Variants in PRSS23 observed in about 807,000 individuals in gnomAD.
PRSS23 encodes the protein protease, serine 23.
A neutral mutation model predicts 34.7 loss-of-function variants in PRSS23; 25 were observed. That is an observed-to-expected ratio of 0.72 (90% CI 0.53 to 1.01). The LOEUF is 1.01. Among genes scored for constraint, PRSS23 ranks in the 50% least tolerant of loss-of-function variants. PRSS23 has a pLI of 0.00. For missense variants in PRSS23, 445 were observed against 475.6 expected (o/e 0.94, Z 0.60); for synonymous variants, 176 against 186.6 (o/e 0.94, Z 0.46).
chr11:86,844,433 A>G lies in PRSS23; in HGVS notation c.206+20840A>G, dbSNP rs1019495430. On this transcript the variant is annotated intron_variant, in intron 2 of 2. Coordinates refer to the PRSS23 transcript ENST00000533902. ...TAATAAAAAAAAAATGGACATAACCATAGGCCATCACTTACTACACCAATG... is the reference window on the plus strand; with the variant it reads ...TAATAAAAAAAAAATGGACATAACCGTAGGCCATCACTTACTACACCAATG... Among the ~76,000 whole-genome samples the G allele has an allele frequency of 2.0e-5, 3 of 152,122 alleles. No individual in the cohort carries two copies. The East Asian group carries it at 5.8e-4, about 29-fold the overall frequency.
At chr11:86,872,632 A>T (rs1285560408) in intron 2 of PRSS23, among the ~76,000 whole-genome samples, 1 of 152,212 alleles carries the variant, frequency 6.6e-6, no homozygotes, top group East Asian at 1.9e-4. Context: ...AAATAGACTT[A>T]ATTTTTCATA....
At chr11:86,802,820 T>G (rs866779802) in intron 1 of PRSS23, among the ~76,000 whole-genome samples, 1 of 152,202 alleles carries the variant, frequency 6.6e-6, no homozygotes. Flanking sequence ...CAGTAGTCAC[T>G]GCATCCAGTC....
intron 2 of PRSS23, chr11:86,950,420 A>G (rs1222560126): frequency 6.5e-6 from 1 of 152,704 alleles, no homozygotes; most frequent in Non-Finnish European, 1.5e-5. Context: ...AATGAAGAAA[A>G]CAGCAGCAGC....
Position 86,854,942 on chromosome 11 carries a change from G to A in PRSS23, c.206+31349G>A, listed in dbSNP as rs569321126. 1.9e-4 allele frequency among the ~76,000 whole-genome samples: 29 copies of A among 152,238 alleles called. No homozygotes were observed. The South Asian group carries it at 5.8e-3, about 31-fold the overall frequency. On this transcript the variant is annotated intron_variant, in intron 2 of 2. Coordinates refer to the PRSS23 transcript ENST00000533902. ...AGCACTTTGAGAGGCCGAGGTGGGC[G>A]GTCACCTGAGGTCGGAAGTTCAAGT...
intron 2 of PRSS23, among the ~76,000 whole-genome samples, chr11:86,862,645 T>A (rs1459267726): frequency 6.6e-6 from 1 of 151,576 alleles, no homozygotes; most frequent in Non-Finnish European, 1.5e-5. Flanking sequence ...GGATGTTACT[T>A]GTAATGACAC....
chr11:86,907,217 T>G (rs181837766), intron 2 of PRSS23, among the ~76,000 whole-genome samples: 34 of 152,312 alleles, frequency 2.2e-4, no homozygotes, highest in African/African-American at 7.2e-4. Context: ...GTTATATAGA[T>G]TGACTGATGG....
chr11:86,879,851 G>A (rs112698343), intron 2 of PRSS23, among the ~76,000 whole-genome samples: 18 of 134,572 alleles, frequency 1.3e-4, no homozygotes, highest in East Asian at 4.9e-4. Flanking sequence ...CCGGCCAGCC[G>A]CCCCGTCCGG....
At chr11:86,868,253 T>C (rs997625768) in intron 2 of PRSS23, among the ~76,000 whole-genome samples, 2 of 152,276 alleles carry the variant, frequency 1.3e-5, no homozygotes, top group African/African-American at 4.8e-5. Flanking sequence ...CTGACCATTC[T>C]CTAGTCAACA....
At chr11:86,947,329 A>T (rs891878206) in intron 2 of PRSS23, 4 of 153,864 alleles carry the variant, frequency 2.6e-5, no homozygotes, top group African/African-American at 9.7e-5. Context: ...TACTGCACCG[A>T]CCTGGTGAAA....
chr11:86,888,876 G>A (rs186299536), intron 2 of PRSS23, among the ~76,000 whole-genome samples: 7 of 152,340 alleles, frequency 4.6e-5, no homozygotes, highest in African/African-American at 1.4e-4. Flanking sequence ...GGTTCCTAGC[G>A]CTGCCTAGCA....
At chr11:86,928,185 A>T (rs1949094702) in intron 2 of PRSS23, among the ~76,000 whole-genome samples, 1 of 147,748 alleles carries the variant, frequency 6.8e-6, no homozygotes, top group South Asian at 2.1e-4. Context: ...ATATATATTA[A>T]GCATATGTAT....
rs184083304 is a variant in PRSS23, at chr11:86,881,009, C to T, written c.206+57416C>T. 9.9e-5 allele frequency among the ~76,000 whole-genome samples: 15 copies of T among 152,256 alleles called. No individual in the cohort carries two copies. In the East Asian group the frequency reaches 2.9e-3, roughly 29 times the overall value. The stretch of plus-strand genomic sequence containing the variant: ...TTAACAGAGACAGTTTTGCTTCTTC[C>T]TTTCCAATCTCGATTATTTGATTGC... On this transcript the variant is annotated intron_variant, in intron 2 of 2. Transcript: ENST00000533902.
intron 2 of PRSS23, among the ~76,000 whole-genome samples, chr11:86,930,880 G>A (rs1479984473): frequency 2.0e-5 from 3 of 151,972 alleles, no homozygotes; most frequent in Admixed American, 1.3e-4. Context: ...TCAAGGAGTA[G>A]AAACATACCC....
rs755156221 is a variant in PRSS23, at chr11:86,862,172, G to A, written c.206+38579G>A. Among the ~76,000 whole-genome samples the A allele has an allele frequency of 6.7e-4, 101 of 151,850 alleles. 1 individual carries two copies. The highest frequency in any genetic ancestry group is 2.6e-3 in the Admixed American group (40 of 15,250). ...GTTATTCCTCGCAATATCTCAGTGC[G>A]TATACTCACTGGAATATTAGAAGTA... On this transcript the variant is annotated intron_variant, in intron 2 of 2. Coordinates refer to the PRSS23 transcript ENST00000533902.
chr11:86,818,687 T>C (rs961962243), intron 1 of PRSS23, among the ~76,000 whole-genome samples: 2 of 152,192 alleles, frequency 1.3e-5, no homozygotes, highest in African/African-American at 2.4e-5. Context: ...ATTTAACTTA[T>C]GACTATTTCC....
chr11:86,937,978 G>C (rs190180848), intron 2 of PRSS23, among the ~76,000 whole-genome samples: 12 of 152,280 alleles, frequency 7.9e-5, no homozygotes, highest in African/African-American at 2.9e-4. Context: ...TGGTGTGAAA[G>C]CTGAGGTCAT....
chr11:86,843,028 A>G (rs1948460107), intron 2 of PRSS23, among the ~76,000 whole-genome samples: 4 of 152,224 alleles, frequency 2.6e-5, no homozygotes. Context: ...CTATACTACA[A>G]GGCTATAGTA....
At chr11:86,800,411 GGGCACGGTTTATGTGCAGTGGGGCGGGC>G (rs1029108827), upstream of PRSS23, 26 of 973,784 alleles carry the variant, frequency 2.7e-5, 1 homozygote, top group African/African-American at 3.5e-4. Context: ...GAGGGGAGGG[GGGCACGGTTTATGTGCAGTGGGGCGGGC>G]GGCGTCCGCG....
At chr11:86,860,055 C>T (rs1036427650) in intron 2 of PRSS23, among the ~76,000 whole-genome samples, 1 of 151,920 alleles carries the variant, frequency 6.6e-6, no homozygotes, top group East Asian at 1.9e-4. Context: ...CTTTCAATAT[C>T]GCATTTTGTA....
Sources: allele counts gnomAD v4.1 joint callset (sites outside exome capture counted in the v4.1 genomes callset), GRCh38; gene constraint gnomAD v4.1.1; transcripts MANE v1.5; gene names NCBI Gene and HGNC (gene_info 2026-07-23, HGNC 2026-07-21).